COA1: variants seen among roughly 807,000 people sequenced by gnomAD.
COA1 encodes cytochrome c oxidase assembly factor 1.
COA1 carries 13 observed loss-of-function variants against 16.0 expected under a neutral mutation model. The ratio of observed to expected loss-of-function variants is 0.81; its 90% confidence interval spans 0.53 to 1.29. The LOEUF (loss-of-function observed/expected upper bound fraction) is 1.29. Among genes scored for constraint, COA1 ranks in the 50% most tolerant of loss-of-function variants. COA1 has a pLI of 0.00. For synonymous variants in COA1, 65 were observed against 65.7 expected (o/e 0.99, Z 0.05); for missense variants, 179 against 177.0 (o/e 1.01, Z -0.06).
chr7:43,647,715 G>T, intron 2 of COA1, 81 bp from the exon 3 acceptor site: 1 of 1,052,114 alleles, frequency 9.5e-7, no homozygotes, highest in Non-Finnish European at 1.4e-6. Flanking sequence ...ACCCCTAAAG[G>T]AAAGAAGCAT....
chr7:43,644,235 C>T (rs536767301), intron 4 of COA1, among the ~76,000 whole-genome samples: 22 of 152,316 alleles, frequency 1.4e-4, no homozygotes, highest in African/African-American at 5.3e-4. Context: ...TTCCCTCACC[C>T]TGTCTTACTC....
chr7:43,647,510 C>G (rs746898628), intron 3 of COA1, 25 bp downstream of exon 3: 1 of 1,537,480 alleles, frequency 6.5e-7, no homozygotes, highest in South Asian at 1.1e-5. Context: ...GAGGTCAGGC[C>G]GCAGGCGGCT....
intron 4 of COA1, among the ~76,000 whole-genome samples, chr7:43,643,167 C>T (rs758845967): frequency 7.9e-5 from 12 of 152,212 alleles, no homozygotes; most frequent in Non-Finnish European, 1.6e-4. Context: ...GCCCTCTCAG[C>T]ACCACTGGGG....
chr7:43,673,997 G>A (rs996884006), intron 1 of COA1, among the ~76,000 whole-genome samples: 1 of 152,028 alleles, frequency 6.6e-6, no homozygotes, highest in Admixed American at 6.6e-5. Context: ...CTACTTAAAG[G>A]TGGAGGGAGG....
At chr7:43,630,380 A>C (rs774779617) in intron 6 of COA1, among the ~76,000 whole-genome samples, 24 of 152,182 alleles carry the variant, frequency 1.6e-4, no homozygotes, top group Admixed American at 5.9e-4. Context: ...TTAGCAGCAG[A>C]AAAGTATCTC....
chr7:43,674,342 T>C (rs1338142563), intron 1 of COA1, among the ~76,000 whole-genome samples: 1 of 152,246 alleles, frequency 6.6e-6, no homozygotes, highest in African/African-American at 2.4e-5. Flanking sequence ...ACTTTCATTC[T>C]GTTTCATGTG....
At chr7:43,690,430 T>TACACACACACACATATATAC (rs2094222899) in intron 1 of COA1, among the ~76,000 whole-genome samples, 1 of 151,088 alleles carries the variant, frequency 6.6e-6, no homozygotes, top group Admixed American at 6.6e-5. Flanking sequence ...CACATATATA[T>TACACACACACACATATATAC]ACACACACAC....
intron 1 of COA1, among the ~76,000 whole-genome samples, chr7:43,677,949 T>G (rs899040875): frequency 1.3e-5 from 2 of 152,186 alleles, no homozygotes; most frequent in African/African-American, 4.8e-5. Context: ...TATGTGCTAA[T>G]GAGCTGTACC....
rs540026929 is a variant in COA1 at position 43,718,715 on chromosome 7, G to A, written c.-39+10714C>T. Among the ~76,000 whole-genome samples the A allele has an allele frequency of 3.8e-4, 58 of 152,254 alleles. 1 individual carries two copies. Among genetic ancestry groups the A allele is most frequent in the African/African-American group, 1.3e-3 (56 of 41,550 alleles). ...TGTCTTTTGCACCTCAATTTTCAGA[G>A]ATACTTGGCTTTGCTACTTCTTGAG... On this transcript the variant is annotated intron_variant, in intron 1 of 5. Transcript: ENST00000223336.
At chr7:43,707,817 G>A (rs1745195085) in intron 1 of COA1, among the ~76,000 whole-genome samples, 1 of 152,152 alleles carries the variant, frequency 6.6e-6, no homozygotes, top group Non-Finnish European at 1.5e-5. Context: ...AAATAGTGGT[G>A]CTATAAACAT....
intron 1 of COA1, among the ~76,000 whole-genome samples, chr7:43,697,234 T>C (rs2094559675): frequency 1.3e-5 from 2 of 152,242 alleles, no homozygotes; most frequent in South Asian, 4.1e-4. Flanking sequence ...TGTTATTCTC[T>C]AAATTCTTCT....
At chr7:43,696,622 T>C (rs1218255020) in intron 1 of COA1, among the ~76,000 whole-genome samples, 2 of 152,056 alleles carry the variant, frequency 1.3e-5, no homozygotes, top group Non-Finnish European at 2.9e-5. Flanking sequence ...TGCAGAATGA[T>C]ATGTAAGGTA....
downstream of COA1, among the ~76,000 whole-genome samples, chr7:43,635,175 AACC>A (rs1283545727): frequency 6.6e-6 from 1 of 152,206 alleles, no homozygotes; most frequent in Non-Finnish European, 1.5e-5. Context: ...GACTCAGTCA[AACC>A]ACCAAGGACA....
chr7:43,627,212 T>C (rs984473085), intron 6 of COA1, among the ~76,000 whole-genome samples: 1 of 152,212 alleles, frequency 6.6e-6, no homozygotes, highest in African/African-American at 2.4e-5. Context: ...GGAAATGATA[T>C]TTGATTGATC....
At chr7:43,640,509 T>C in intron 5 of COA1, 64 bp downstream of exon 5, 1 of 1,078,456 alleles carries the variant, frequency 9.3e-7, no homozygotes, top group Non-Finnish European at 1.4e-6. Context: ...AAAACGGAGT[T>C]GGGGTTGCTT....
intron 1 of COA1, among the ~76,000 whole-genome samples, chr7:43,727,933 C>A (rs1399911206): frequency 1.3e-5 from 2 of 151,268 alleles, no homozygotes; most frequent in East Asian, 3.9e-4. Flanking sequence ...GGTTGTACAA[C>A]TTTGTGAATG....
intron 4 of COA1, chr7:43,640,917 G>A (rs1264746387): frequency 1.7e-5 from 6 of 346,256 alleles, no homozygotes; most frequent in South Asian, 8.9e-5. Context: ...TCCAATGATC[G>A]CTCAAAAGTC....
At chr7:43,677,402 T>A (rs2093578297) in intron 1 of COA1, among the ~76,000 whole-genome samples, 1 of 152,202 alleles carries the variant, frequency 6.6e-6, no homozygotes, top group African/African-American at 2.4e-5. Context: ...AAAGGAAAAA[T>A]TATTATTTAG....
chr7:43,610,435 C>T (rs2082755589), intron 6 of COA1, among the ~76,000 whole-genome samples: 1 of 148,112 alleles, frequency 6.8e-6, no homozygotes, highest in African/African-American at 2.5e-5. Flanking sequence ...GGAGGCCGAG[C>T]CAGGCAGATC....
Sources: allele counts gnomAD v4.1 joint callset (sites outside exome capture counted in the v4.1 genomes callset), GRCh38; gene constraint gnomAD v4.1.1; transcripts MANE v1.5; gene names NCBI Gene and HGNC (gene_info 2026-07-23, HGNC 2026-07-21).